Variants in DENND1A observed in about 807,000 individuals in gnomAD.
The protein encoded by DENND1A is DENN domain-containing protein 1A.
A neutral mutation model predicts 113.7 loss-of-function variants in DENND1A; 51 were observed. That is an observed-to-expected ratio of 0.45 (90% confidence interval 0.36 to 0.57). The LOEUF (loss-of-function observed/expected upper bound fraction) is 0.57. Among genes scored for constraint, DENND1A ranks in the 20% least tolerant of loss-of-function variants. The pLI, the probability that DENND1A is intolerant of heterozygous loss-of-function variation, is 0.00. For synonymous variants in DENND1A, 565 were observed against 570.8 expected, an observed-to-expected ratio of 0.99 and a Z score of 0.14; for missense variants, 1,258 against 1,395.9, an observed-to-expected ratio of 0.90 and a Z score of 1.57.
chr9:123,485,658 A>ACGCG (rs1372917882), intron 13 of DENND1A: 3 of 29,786 alleles, frequency 1.0e-4, no homozygotes, highest in African/African-American at 2.3e-4. Context: ...GCGCGCGCGC[A>ACGCG]CACACACACA....
intron 5 of DENND1A, among the ~76,000 whole-genome samples, chr9:123,735,290 C>T (rs7023840): frequency 0.076 from 11,513 of 152,220 alleles, 888 homozygotes; most frequent in African/African-American, 0.2. Flanking sequence ...AGACACTCTG[C>T]TGAATAATTT....
chr9:123,420,307 A>G (rs908163311), intron 19 of DENND1A, among the ~76,000 whole-genome samples: 1 of 152,332 alleles, frequency 6.6e-6, no homozygotes, highest in Admixed American at 6.5e-5. Context: ...GCCCAAAGGC[A>G]CAGCACATAG....
intron 10 of DENND1A, among the ~76,000 whole-genome samples, chr9:123,609,716 C>T (rs1183573902): frequency 6.6e-6 from 1 of 152,142 alleles, no homozygotes; most frequent in East Asian, 1.9e-4. Flanking sequence ...GAGCATCAAC[C>T]TTGATATTAG....
At chr9:123,482,158 C>A (rs1467140229) in intron 13 of DENND1A, among the ~76,000 whole-genome samples, 1 of 152,158 alleles carries the variant, frequency 6.6e-6, no homozygotes, top group Non-Finnish European at 1.5e-5. Context: ...AGCGCAGTGG[C>A]GCGATCTTGG....
intron 5 of DENND1A, among the ~76,000 whole-genome samples, chr9:123,745,321 G>A (rs147501657): frequency 2.0e-5 from 3 of 152,240 alleles, no homozygotes; most frequent in African/African-American, 7.2e-5. Flanking sequence ...CTCTGCAAAC[G>A]ATGAGACCAG....
intron 12 of DENND1A, among the ~76,000 whole-genome samples, chr9:123,567,768 TC>T (rs575115988): frequency 5.9e-5 from 9 of 152,168 alleles, no homozygotes; most frequent in Non-Finnish European, 1.3e-4. Flanking sequence ...AGAGCCACTA[TC>T]TGAGGCCCAA....
chr9:123,727,166 C>T (rs992413739), intron 5 of DENND1A, among the ~76,000 whole-genome samples: 2 of 152,116 alleles, frequency 1.3e-5, no homozygotes, highest in Non-Finnish European at 2.9e-5. Flanking sequence ...GGTACAGAAC[C>T]ACTGAAGGAA....
At chr9:123,537,105 T>A (rs2055846728) in intron 13 of DENND1A, among the ~76,000 whole-genome samples, 1 of 151,940 alleles carries the variant, frequency 6.6e-6, no homozygotes, top group African/African-American at 2.4e-5. Flanking sequence ...TGTGTCAAAA[T>A]GAGCTAAAGA....
intron 2 of DENND1A, among the ~76,000 whole-genome samples, chr9:123,825,501 T>C (rs1590241847): frequency 6.6e-6 from 1 of 152,314 alleles, no homozygotes. Context: ...GAAATGTCAA[T>C]GGTTGCAGGT....
intron 2 of DENND1A, among the ~76,000 whole-genome samples, chr9:123,806,122 T>C (rs1564306215): frequency 6.6e-6 from 1 of 151,694 alleles, no homozygotes; most frequent in Non-Finnish European, 1.5e-5. Flanking sequence ...CCTGGCTAAT[T>C]TTTGTATTTT....
intron 3 of DENND1A, among the ~76,000 whole-genome samples, chr9:123,783,094 C>A (rs1437333941): frequency 1.3e-5 from 2 of 152,176 alleles, no homozygotes; most frequent in African/African-American, 2.4e-5. Flanking sequence ...ACAGTGGTCC[C>A]ATTACTAAAT....
intron 2 of DENND1A, among the ~76,000 whole-genome samples, chr9:123,803,941 G>A (rs1245673862): frequency 2.0e-5 from 3 of 152,104 alleles, no homozygotes; most frequent in Non-Finnish European, 4.4e-5. Flanking sequence ...TTCTTTTACT[G>A]CTAACATCAA....
chr9:123,562,521 A>C (rs1472323741), intron 12 of DENND1A, among the ~76,000 whole-genome samples: 1 of 152,246 alleles, frequency 6.6e-6, no homozygotes, highest in Admixed American at 6.5e-5. Context: ...CAGGTTGCAG[A>C]GTAACATGTA....
chr9:123,638,244 G>T (rs1432897263), intron 9 of DENND1A, among the ~76,000 whole-genome samples: 1 of 152,196 alleles, frequency 6.6e-6, no homozygotes, highest in African/African-American at 2.4e-5. Flanking sequence ...AAACCATGGT[G>T]TGGTAAACCA....
At chr9:123,887,653 C>T (rs1482930603) in intron 1 of DENND1A, among the ~76,000 whole-genome samples, 3 of 151,518 alleles carry the variant, frequency 2.0e-5, no homozygotes, top group Non-Finnish European at 2.9e-5. Flanking sequence ...GGAGGCTTCC[C>T]AGAGTGAGTG....
At position 123,757,537 on chromosome 9, in the gene DENND1A, A is replaced by T. The variant is rs148201865; in HGVS notation, c.302+166T>A. ...ATAAATACAATTATCTGCAGAACTT[A>T]CAGTGCAAGAACAACACTGTGAAGT... On this transcript the variant is annotated intron_variant, in intron 5 of 23. Transcript: ENST00000394215. 5.3e-5 allele frequency among the ~76,000 whole-genome samples: 8 copies of T among 152,362 alleles called. No homozygotes were observed. In the East Asian group the frequency reaches 1.5e-3, roughly 29 times the overall value.
chr9:123,810,347 G>T (rs1374052302), intron 2 of DENND1A, among the ~76,000 whole-genome samples: 3 of 152,038 alleles, frequency 2.0e-5, no homozygotes, highest in African/African-American at 4.8e-5. Context: ...AGATGCCAGG[G>T]CTTGAGAAGC....
At chr9:123,721,048 C>T (rs1482094251) in intron 5 of DENND1A, among the ~76,000 whole-genome samples, 1 of 152,208 alleles carries the variant, frequency 6.6e-6, no homozygotes, top group Non-Finnish European at 1.5e-5. Flanking sequence ...CACCTGCTTG[C>T]TCACTTACTC....
At position 123,929,939 on chromosome 9, in the gene DENND1A, C is replaced by T. The variant is rs546655271; in HGVS notation, c.-34G>A. ...GGCCTCCTCATGGGCCCGCGGGCCC[C>T]GCTCGGCGCTGCGCTGCCCGCCCGC... On this transcript the variant is annotated 5_prime_UTR_variant, in exon 1 of 24. Transcript: ENST00000394215. The T allele has an allele frequency of 6.0e-6, 2 of 331,122 alleles. No homozygotes were observed. The highest frequency in any genetic ancestry group is 2.2e-5 in the African/African-American group (1 of 44,634). 20.5% of individuals were successfully genotyped at this position (331,122 alleles called of 1,614,324 possible).
Sources: gnomAD v4.1 joint callset for allele counts (sites outside exome capture counted in the v4.1 genomes callset) on GRCh38, gnomAD v4.1.1 for gene constraint, MANE v1.5 for transcripts, NCBI Gene and HGNC (gene_info 2026-07-23, HGNC 2026-07-21) for gene names.